Variants in ANGEL2 observed in about 807,000 individuals in gnomAD.
The protein encoded by ANGEL2 is angel homolog 2.
In ANGEL2, 41 loss-of-function variants were observed where a neutral mutation model predicts 66.0. The ratio of observed to expected loss-of-function variants is 0.62; its 90% CI spans 0.48 to 0.81. ANGEL2 has a LOEUF of 0.81. Ranked by LOEUF, ANGEL2 falls within the 30% of genes least tolerant of loss-of-function variation. The probability of loss-of-function intolerance (pLI) is 0.00; values close to 1 mark genes in which losing one functional copy is unlikely to be tolerated. For synonymous variants in ANGEL2, 208 were observed against 226.5 expected (o/e 0.92, Z 0.73); for missense variants, 561 against 641.6 (o/e 0.87, Z 1.36).
chr1:213,010,682 G>A (rs1420369679), intron 2 of ANGEL2, among the ~76,000 whole-genome samples: 1 of 152,038 alleles, frequency 6.6e-6, no homozygotes, highest in Non-Finnish European at 1.5e-5. Context: ...TATACAAGAT[G>A]GAAAGGGTTC....
intron 1 of ANGEL2, chr1:213,015,014 C>T (rs993261426): frequency 1.7e-6 from 1 of 590,796 alleles, no homozygotes; most frequent in African/African-American, 2.0e-5. Flanking sequence ...GTGGGCAGCA[C>T]CTACTGAAGT....
Position 213,015,822 on chromosome 1 carries a change from C to A in ANGEL2, c.-151G>T, listed in dbSNP as rs1224088062. 1.8e-5 allele frequency: 18 copies of A among 988,282 alleles called. No homozygotes were observed. The highest frequency in any genetic ancestry group is 3.1e-5 in the South Asian group (2 of 64,552). 61.2% of individuals were successfully genotyped at this position (988,282 alleles called of 1,614,324 possible). A position where few individuals can be genotyped will look rare whatever the true frequency, so the allele number is the denominator to read the frequency against. On this transcript the variant is annotated 5_prime_UTR_variant, in exon 1 of 9. An upstream open reading frame in the 5' UTR gains an earlier in-frame stop. Coordinates refer to ENST00000366962, the MANE Select transcript of ANGEL2 (RefSeq NM_144567.5). Reference sequence around the variant, plus strand: ...CAAGGCATGCTGGGAGGTGCAGTCTCGCCGGCCGGCCTACACTCCATCTTG... The same window carrying A: ...CAAGGCATGCTGGGAGGTGCAGTCTAGCCGGCCGGCCTACACTCCATCTTG...
chr1:213,002,553 A>G (rs955116215), intron 5 of ANGEL2, among the ~76,000 whole-genome samples: 1 of 152,230 alleles, frequency 6.6e-6, no homozygotes, highest in Non-Finnish European at 1.5e-5. Context: ...GAAACCAGGC[A>G]CTGACTTCTT....
At chr1:212,997,710 ATTC>A (rs1316859506) in intron 7 of ANGEL2, among the ~76,000 whole-genome samples, 1 of 152,186 alleles carries the variant, frequency 6.6e-6, no homozygotes, top group Non-Finnish European at 1.5e-5. Context: ...GAGAGGCCAT[ATTC>A]TTCTCTAATT....
chr1:213,002,413 T>G (rs950777291), intron 5 of ANGEL2, among the ~76,000 whole-genome samples: 2 of 152,180 alleles, frequency 1.3e-5, no homozygotes, highest in Admixed American at 6.5e-5. Context: ...TCCACTGACA[T>G]AGCACAGGTA....
intron 8 of ANGEL2, among the ~76,000 whole-genome samples, chr1:212,996,623 C>CA (rs71585821): frequency 4.1e-4 from 9 of 22,118 alleles, no homozygotes; most frequent in African/African-American, 7.5e-4. Context: ...ACTCTGTATC[C>CA]AAAAAAAAAA....
chr1:212,992,237 C>T lies in ANGEL2; in HGVS notation c.*2804G>A, dbSNP rs1021223311. 2.0e-5 allele frequency: 3 copies of T among 152,168 alleles called. No homozygotes were observed. The highest frequency in any genetic ancestry group is 7.2e-5 in the African/African-American group (3 of 41,442). The allele number at this position is 152,168 out of a possible 1,614,324, so 9.4% of individuals were successfully genotyped here. On this transcript the variant is annotated 3_prime_UTR_variant, in exon 9 of 9. Coordinates refer to ENST00000366962, the MANE Select transcript of ANGEL2 (RefSeq NM_144567.5). ...CAGGTACAAAGTGCAAATGACTTGA[C>T]GCCTCTCTTTCCCCAATCCCTTGAA...
intron 7 of ANGEL2, among the ~76,000 whole-genome samples, chr1:212,999,638 AATCAAG>A (rs1364157745): frequency 2.6e-5 from 4 of 152,220 alleles, no homozygotes; most frequent in African/African-American, 9.7e-5. Context: ...TATAATTAAC[AATCAAG>A]ATATTTCAAG....
chr1:213,000,864 G>C lies in ANGEL2; in HGVS notation c.1183C>G (p.Pro395Ala). ...ATACCTAGGTTTGGGGGCCAAATTG[G>C]AATAGATAAAATTCTTTGTCCCCGT... is the stretch of plus-strand genomic sequence containing the variant. ...SSRGQRILSI[P>A]IWPPNLGISQ... Residue 395 changes from proline (P) to alanine (A), a missense_variant, in exon 6 of 9, where the codon CCA becomes GCA. Transcript: ENST00000366962. 6.2e-7 allele frequency: 1 copy of C among 1,612,780 alleles called. No individual in the cohort carries two copies. The highest frequency in any genetic ancestry group is 8.5e-7 in the Non-Finnish European group (1 of 1,179,832).
intron 1 of ANGEL2, 28 bp downstream of exon 1, chr1:213,015,585 C>T (rs2076624245): frequency 6.2e-7 from 1 of 1,611,672 alleles, no homozygotes; most frequent in South Asian, 1.1e-5. Context: ...CCCCTCTCTC[C>T]TCCCTCCGAG....
chr1:213,015,640 T>C lies in ANGEL2; in HGVS notation c.32A>G (p.Tyr11Cys). Residue 11 changes from tyrosine to cysteine, a missense_variant, in exon 1 of 9, where the codon TAC becomes TGC. Physicochemically the swap from Tyr to Cys is radical, Grantham distance 194 (BLOSUM62 -2). Coordinates refer to ENST00000366962, the MANE Select transcript of ANGEL2 (RefSeq NM_144567.5). ...GCCTCTTCCCACCACACAGTGGCCG[T>C]AGCCCTTCCTCACACAGCGCCAGGC... MEAWRCVRKG[Y>C]GHCVVGRGRY... The C allele has an allele frequency of 1.9e-6, 3 of 1,613,972 alleles. No homozygotes were observed. The highest frequency in any genetic ancestry group is 2.5e-6 in the Non-Finnish European group (3 of 1,179,984).
chr1:213,015,456 T>G (rs1214719213), intron 1 of ANGEL2, 157 bp downstream of exon 1: 3 of 1,448,188 alleles, frequency 2.1e-6, no homozygotes, highest in Non-Finnish European at 2.7e-6. Context: ...GCTTGGTCTC[T>G]GGAGGCTCGT....
intron 5 of ANGEL2, among the ~76,000 whole-genome samples, chr1:213,002,437 A>C (rs1338388073): frequency 6.6e-6 from 1 of 152,218 alleles, no homozygotes; most frequent in African/African-American, 2.4e-5. Context: ...TGGATTTAGC[A>C]TAATTTTTAA....
chr1:213,011,344 C>A, intron 2 of ANGEL2: 2 of 1,202,376 alleles, frequency 1.7e-6, no homozygotes, highest in Admixed American at 3.4e-5. Flanking sequence ...CTTCAAATAC[C>A]ACTTTAAAGT....
In ANGEL2 at chr1:213,005,453, A is replaced by G. The variant is rs1170962531; in HGVS notation, c.714T>C (p.Gly238=). The change falls in exon 5 of 9, where the codon GGT becomes GGC. Residue 238 remains glycine, a splice_region_variant and synonymous_variant. Transcript: ENST00000366962. The stretch of plus-strand genomic sequence containing the variant: ...TCCGCATCTTATATTCACAGTGATA[A>G]CCTACAAGAAACAAATGAATTTAAA... ...AEIRPSLESL[G]YHCEYKMRTG... The G allele has an allele frequency of 1.1e-5, 17 of 1,571,932 alleles. No homozygotes were observed. Among genetic ancestry groups the G allele is most frequent in the Non-Finnish European group, 1.4e-5 (16 of 1,162,186 alleles).
At chr1:213,013,546 G>T in intron 1 of ANGEL2, 128 bp from the exon 2 acceptor site, 2 of 875,482 alleles carry the variant, frequency 2.3e-6, no homozygotes, top group Non-Finnish European at 3.5e-6. Context: ...ATCTGTGAAG[G>T]ATGAAGAGGA....
chr1:213,008,391 A>G lies in ANGEL2; in HGVS notation c.461T>C (p.Val154Ala). ...EKTKILGDKN[V>A]DPKCEDSENK... is the part of the protein sequence containing the mutation. ...CTCACTGTCTTCACATTTGGGATCA[A>G]CATTTTTGTCTCCTAGGATCTTCGT... The change falls in exon 3 of 9, where the codon GTT (valine) becomes GCT (alanine). Residue 154 changes from valine (V) to alanine (A), a missense_variant. Coordinates refer to ENST00000366962, the MANE Select transcript of ANGEL2 (RefSeq NM_144567.5). 6.2e-7 allele frequency: 1 copy of G among 1,614,164 alleles called. No homozygotes were observed. The highest frequency in any genetic ancestry group is 8.5e-7 in the Non-Finnish European group (1 of 1,180,002).
chr1:213,010,724 A>G (rs2076483671), intron 2 of ANGEL2, among the ~76,000 whole-genome samples: 1 of 152,214 alleles, frequency 6.6e-6, no homozygotes, highest in African/African-American at 2.4e-5. Flanking sequence ...AGCTATCATC[A>G]CAGATGGAGC....
intron 8 of ANGEL2, among the ~76,000 whole-genome samples, chr1:212,995,683 C>T (rs182182656): frequency 1.7e-4 from 26 of 152,302 alleles, no homozygotes; most frequent in Non-Finnish European, 1.8e-4. Context: ...ACCAAGTGAA[C>T]TTCTGTCAGC....
Sources: allele counts gnomAD v4.1 joint callset (sites outside exome capture counted in the v4.1 genomes callset), GRCh38; gene constraint gnomAD v4.1.1; transcripts MANE v1.5; gene names NCBI Gene and HGNC (gene_info 2026-07-23, HGNC 2026-07-21).